The following COL4A1 variants were observed in gnomAD, a reference collection of about 807,000 sequenced individuals.
COL4A1 encodes collagen type IV alpha 1 chain.
In COL4A1, 40 loss-of-function variants were observed where a neutral mutation model predicts 216.6. That is an observed-to-expected ratio of 0.18 (90% CI 0.14 to 0.24). COL4A1 has a LOEUF of 0.24. Ranked by LOEUF, COL4A1 falls within the 10% of genes least tolerant of loss-of-function variation. COL4A1 has a pLI of 1.00. For synonymous variants in COL4A1, 839 were observed against 810.7 expected (o/e 1.03, Z -0.59); for missense variants, 1,628 against 2,196.8 (o/e 0.74, Z 5.18).
At chr13:110,180,323 G>A (rs893232551) in intron 29 of COL4A1, among the ~76,000 whole-genome samples, 7 of 152,230 alleles carry the variant, frequency 4.6e-5, no homozygotes, top group Non-Finnish European at 1.0e-4. Context: ...GTTATCAGGG[G>A]AAGCTGGTGG....
At chr13:110,152,657 A>C in intron 50 of COL4A1, 151 bp from the exon 51 acceptor site, 1 of 1,030,372 alleles carries the variant, frequency 9.7e-7, no homozygotes. Context: ...CTCTGTGCCC[A>C]AATTATCGGG....
intron 45 of COL4A1, 76 bp from the exon 46 acceptor site, chr13:110,165,066 C>T: frequency 6.4e-7 from 1 of 1,558,132 alleles, no homozygotes; most frequent in Non-Finnish European, 8.7e-7. Flanking sequence ...AAGGAGAATC[C>T]CGGGTGAAGC....
chr13:110,192,752 G>A, intron 23 of COL4A1, 78 bp downstream of exon 23: 1 of 1,291,298 alleles, frequency 7.7e-7, no homozygotes, highest in Non-Finnish European at 1.1e-6. Context: ...CTTCTATGGA[G>A]TGAAATCCCT....
chr13:110,266,739 T>C (rs976764939), intron 1 of COL4A1, among the ~76,000 whole-genome samples: 1 of 152,168 alleles, frequency 6.6e-6, no homozygotes, highest in Non-Finnish European at 1.5e-5. Flanking sequence ...AACGCTGACA[T>C]GTTCAGGGGC....
chr13:110,150,621 C>T lies in COL4A1; in HGVS notation c.4929-177G>A, dbSNP rs148964778. 6.4e-3 allele frequency among the ~76,000 whole-genome samples: 972 copies of T among 152,314 alleles called. 8 individuals carry two copies. The highest frequency in any genetic ancestry group is 0.01 in the Non-Finnish European group (709 of 68,020). ...TGGGTGCAGTGCACACACGGTCCCA[C>T]GCACACAGAACACTGCAGGTTACCA... On this transcript the variant is annotated intron_variant, in intron 51 of 51. Transcript: ENST00000375820.
intron 26 of COL4A1, 99 bp from the exon 27 acceptor site, chr13:110,183,375 C>T (rs1488424756): frequency 1.8e-6 from 2 of 1,118,394 alleles, no homozygotes; most frequent in Admixed American, 3.9e-5. Context: ...CACATCCTAC[C>T]CAGCACCACG....
At chr13:110,197,240 C>T (rs544916398) in intron 21 of COL4A1, among the ~76,000 whole-genome samples, 2 of 131,790 alleles carry the variant, frequency 1.5e-5, no homozygotes, top group South Asian at 2.9e-4. Flanking sequence ...TCTGTTGACT[C>T]TCCTGCTTAA....
intron 1 of COL4A1, among the ~76,000 whole-genome samples, chr13:110,272,600 C>T (rs1883284888): frequency 6.6e-6 from 1 of 152,196 alleles, no homozygotes; most frequent in South Asian, 2.1e-4. Context: ...CTCTTCTCAG[C>T]ATTGCACACA....
chr13:110,220,377 C>T lies in COL4A1; in HGVS notation c.145-6362G>A, dbSNP rs1297079586. Reference sequence around the variant, plus strand: ...TTAGGCAAAATGGTCTAACACAAAGCCTGTTTTATAATAAAGTGTTTAATA... The same window carrying T: ...TTAGGCAAAATGGTCTAACACAAAGTCTGTTTTATAATAAAGTGTTTAATA... On this transcript the variant is annotated intron_variant, in intron 2 of 51. Transcript: ENST00000375820. 2.0e-5 allele frequency among the ~76,000 whole-genome samples: 3 copies of T among 152,134 alleles called. No individual in the cohort carries two copies. In the East Asian group the frequency reaches 5.8e-4, roughly 29 times the overall value.
intron 2 of COL4A1, among the ~76,000 whole-genome samples, chr13:110,237,156 A>C (rs1881353741): frequency 6.6e-6 from 1 of 152,176 alleles, no homozygotes; most frequent in Admixed American, 6.5e-5. Flanking sequence ...CCTGGGGCGC[A>C]GTGGGTCCGC....
chr13:110,272,487 G>A (rs1883279385), intron 1 of COL4A1, among the ~76,000 whole-genome samples: 1 of 152,120 alleles, frequency 6.6e-6, no homozygotes. Context: ...TGCATGTAGC[G>A]CAGATCACCT....
At chr13:110,229,605 G>A (rs899984384) in intron 2 of COL4A1, among the ~76,000 whole-genome samples, 5 of 152,192 alleles carry the variant, frequency 3.3e-5, no homozygotes, top group African/African-American at 1.2e-4. Flanking sequence ...CATGGAGGTG[G>A]GGCCTTGGGA....
chr13:110,187,930 G>A (rs1164322877), intron 24 of COL4A1, among the ~76,000 whole-genome samples: 1 of 152,134 alleles, frequency 6.6e-6, no homozygotes, highest in Non-Finnish European at 1.5e-5. Flanking sequence ...GGACTTCCAG[G>A]GCACCAGTGA....
chr13:110,242,782 G>A (rs373007633), intron 1 of COL4A1, 48 bp from the exon 2 acceptor site: 36 of 1,594,196 alleles, frequency 2.3e-5, no homozygotes, highest in Non-Finnish European at 3.0e-5. Context: ...CTTTCAAAGC[G>A]AGGGCACTAT....
chr13:110,239,297 G>A (rs2139241642), intron 2 of COL4A1, among the ~76,000 whole-genome samples: 1 of 152,292 alleles, frequency 6.6e-6, no homozygotes, highest in African/African-American at 2.4e-5. Flanking sequence ...GCAGAACTTA[G>A]TCAAAAGAGA....
At chr13:110,231,214 G>A (rs1881045365) in intron 2 of COL4A1, among the ~76,000 whole-genome samples, 1 of 152,242 alleles carries the variant, frequency 6.6e-6, no homozygotes, top group Non-Finnish European at 1.5e-5. Flanking sequence ...TGGGGACACA[G>A]AGAGTCAAAC....
chr13:110,272,197 T>G (rs758726490), intron 1 of COL4A1, among the ~76,000 whole-genome samples: 2 of 152,280 alleles, frequency 1.3e-5, no homozygotes, highest in Non-Finnish European at 2.9e-5. Context: ...AAAATGGCTT[T>G]GAACTAAAAG....
At chr13:110,302,362 G>A (rs1884529407) in intron 1 of COL4A1, among the ~76,000 whole-genome samples, 1 of 152,198 alleles carries the variant, frequency 6.6e-6, no homozygotes, top group Admixed American at 6.5e-5. Flanking sequence ...GCGTGGAAAT[G>A]TGAAGACGTT....
At chr13:110,165,187 C>G (rs1371165266) in intron 45 of COL4A1, among the ~76,000 whole-genome samples, 197 bp from the exon 46 acceptor site, 1 of 152,110 alleles carries the variant, frequency 6.6e-6, no homozygotes, top group African/African-American at 2.4e-5. Flanking sequence ...ACCTGAAATC[C>G]TGAACTCTCG....
Sources: allele counts gnomAD v4.1 joint callset (sites outside exome capture counted in the v4.1 genomes callset), GRCh38; gene constraint gnomAD v4.1.1; transcripts MANE v1.5; gene names NCBI Gene and HGNC (gene_info 2026-07-23, HGNC 2026-07-21).